FZD3: variants seen among roughly 807,000 people sequenced by gnomAD.
FZD3 encodes frizzled class receptor 3, also known as frizzled-3.
FZD3 carries 30 observed loss-of-function variants against 60.7 expected under a neutral mutation model. That is an observed-to-expected ratio of 0.49 (90% CI 0.37 to 0.67). FZD3 has a LOEUF of 0.67. Ranked by LOEUF, FZD3 falls within the 30% of genes least tolerant of loss-of-function variation. FZD3 has a pLI of 0.00. For missense variants in FZD3, 605 were observed against 838.7 expected (o/e 0.72, Z 3.44); for synonymous variants, 246 against 275.2 (o/e 0.89, Z 1.05).
intron 5 of FZD3, among the ~76,000 whole-genome samples, chr8:28,534,543 A>T (rs955922539): frequency 3.9e-5 from 6 of 152,068 alleles, no homozygotes; most frequent in Non-Finnish European, 8.8e-5. Flanking sequence ...ACAGAGCGAG[A>T]CCCTATCTCA....
chr8:28,550,054 T>C lies in FZD3; in HGVS notation c.1405-1549T>C, dbSNP rs143063875. On this transcript the variant is annotated intron_variant, in intron 5 of 7. Transcript: ENST00000240093. ...TTTATATAAATAATTTTAATCGTTT[T>C]CTTTGTCTGTGTTTTCAGACAATTT... Among the ~76,000 whole-genome samples, 79 of 152,282 alleles carry C rather than the reference T, an allele frequency of 5.2e-4. No homozygotes were observed. The East Asian group carries it at 0.013, about 26-fold the overall frequency.
intron 3 of FZD3, among the ~76,000 whole-genome samples, chr8:28,507,908 T>C (rs1804183292): frequency 6.6e-6 from 1 of 152,184 alleles, no homozygotes; most frequent in African/African-American, 2.4e-5. Flanking sequence ...TGTTTTGTTT[T>C]TGACACAAGG....
intron 3 of FZD3, among the ~76,000 whole-genome samples, chr8:28,508,060 A>G (rs73557286): frequency 0.012 from 1,822 of 151,728 alleles, 33 homozygotes; most frequent in African/African-American, 0.042. Flanking sequence ...GGCTAATTTT[A>G]AAGAACTTTT....
intron 3 of FZD3, among the ~76,000 whole-genome samples, chr8:28,510,903 G>A (rs1216741465): frequency 6.6e-6 from 1 of 151,612 alleles, no homozygotes; most frequent in Non-Finnish European, 1.5e-5. Flanking sequence ...CGGGCGTGGT[G>A]GTGGGCACAT....
At position 28,502,979 on chromosome 8, in the gene FZD3, C is replaced by A. The variant is rs767992054; in HGVS notation, c.-35C>A. 6 of 1,455,886 alleles carry A rather than the reference C, an allele frequency of 4.1e-6. No homozygotes were observed. In the South Asian group the frequency reaches 5.8e-5, roughly 14 times the overall value. 90.2% of individuals were successfully genotyped at this position (1,455,886 alleles called of 1,614,324 possible). A position where few individuals can be genotyped will look rare whatever the true frequency, so the allele number is the denominator to read the frequency against. ...ATATCTAAAATACATATTGAATAGGCCTGATCATCTGAATCTCCTTCAGAC... is the reference window on the plus strand; with the variant it reads ...ATATCTAAAATACATATTGAATAGGACTGATCATCTGAATCTCCTTCAGAC... On this transcript the variant is annotated 5_prime_UTR_variant, in exon 3 of 8. Coordinates refer to ENST00000240093, the MANE Select transcript of FZD3 (RefSeq NM_017412.4).
intron 5 of FZD3, among the ~76,000 whole-genome samples, chr8:28,534,221 C>T (rs1395112238): frequency 3.9e-5 from 6 of 152,212 alleles, no homozygotes; most frequent in Admixed American, 2.0e-4. Context: ...GTTTTATAGA[C>T]GCACACACAC....
intron 3 of FZD3, among the ~76,000 whole-genome samples, chr8:28,511,199 A>G (rs1035136024): frequency 5.3e-5 from 8 of 152,038 alleles, no homozygotes; most frequent in East Asian, 3.9e-4. Flanking sequence ...TAAAAATACA[A>G]AAGTTGGCCG....
chr8:28,500,766 CT>C (rs917268943), intron 2 of FZD3, among the ~76,000 whole-genome samples: 11 of 149,316 alleles, frequency 7.4e-5, no homozygotes, highest in East Asian at 2.0e-4. Flanking sequence ...TACCAGTTTT[CT>C]TTTTTTTTTC....
intron 1 of FZD3, among the ~76,000 whole-genome samples, chr8:28,495,520 G>A (rs1803822204): frequency 6.6e-6 from 1 of 152,156 alleles, no homozygotes; most frequent in Admixed American, 6.5e-5. Context: ...GACTACCCCT[G>A]GGGATGTTAC....
rs773651025 is a variant in FZD3, at chr8:28,520,751, G to C, written c.303G>C (p.Arg101Ser). 1.9e-6 allele frequency: 3 copies of C among 1,612,760 alleles called. No homozygotes were observed. In the East Asian group the frequency reaches 6.7e-5, roughly 36 times the overall value. ...GACGTGTCACACTTCCCTGTCGTAG[G>C]CTGTGTCAGCGGGCTTACAGTGAGT... Reference protein sequence around the residue: ...EYGRVTLPCRRLCQRAYSECS... With the variant: ...EYGRVTLPCRSLCQRAYSECS... Residue 101 changes from arginine to serine, a missense_variant, in exon 4 of 8, where the codon AGG (arginine) becomes AGC (serine). Transcript: ENST00000240093.
intron 5 of FZD3, among the ~76,000 whole-genome samples, chr8:28,534,629 A>T (rs1217022021): frequency 6.6e-6 from 1 of 152,170 alleles, no homozygotes; most frequent in African/African-American, 2.4e-5. Flanking sequence ...TCTTCCCCAC[A>T]TCCCCTGTCA....
chr8:28,567,912 T>G lies in FZD3; in HGVS notation c.*4901T>G, dbSNP rs1805733194. ...CTTAAATTATAAAAAAAAATATATATGAAGAAGAATGTAGACCCTATAATG... is the reference window on the plus strand; with the variant it reads ...CTTAAATTATAAAAAAAAATATATAGGAAGAAGAATGTAGACCCTATAATG... On this transcript the variant is annotated 3_prime_UTR_variant, in exon 8 of 8. Transcript: ENST00000240093. 1 of 152,158 alleles carries G rather than the reference T, an allele frequency of 6.6e-6. No individual in the cohort carries two copies. The highest frequency in any genetic ancestry group is 1.5e-5 in the Non-Finnish European group (1 of 68,010). The allele number at this position is 152,158 out of a possible 1,614,324, so 9.4% of individuals were successfully genotyped here. A position where few individuals can be genotyped will look rare whatever the true frequency, so the allele number is the denominator to read the frequency against.
intron 5 of FZD3, among the ~76,000 whole-genome samples, chr8:28,539,196 G>A (rs570521453): frequency 1.3e-5 from 2 of 152,148 alleles, no homozygotes; most frequent in African/African-American, 4.8e-5. Context: ...ACTTCCCATC[G>A]CTTGCATTAC....
At chr8:28,548,550 A>G (rs1478402288) in intron 5 of FZD3, among the ~76,000 whole-genome samples, 1 of 152,248 alleles carries the variant, frequency 6.6e-6, no homozygotes, top group East Asian at 1.9e-4. Context: ...CCTGTCCAGA[A>G]TCCATTTATT....
chr8:28,494,898 C>T (rs1289455751), intron 1 of FZD3, among the ~76,000 whole-genome samples: 1 of 152,174 alleles, frequency 6.6e-6, no homozygotes, highest in Non-Finnish European at 1.5e-5. Context: ...TTCGGGCCCA[C>T]CTTTGCCTGC....
At chr8:28,554,905 T>C (rs13275556) in intron 6 of FZD3, among the ~76,000 whole-genome samples, 80,740 of 151,890 alleles carry the variant, frequency 0.53, 21,991 homozygotes, top group South Asian at 0.63. Context: ...ATTTTAACTT[T>C]ATGAGTTTTC....
intron 3 of FZD3, among the ~76,000 whole-genome samples, chr8:28,519,695 A>T (rs1804522022): frequency 6.7e-6 from 1 of 149,340 alleles, no homozygotes; most frequent in Admixed American, 6.8e-5. Flanking sequence ...CTGTCACTGC[A>T]CTCTGGCCTG....
chr8:28,500,632 C>G (rs556703658), intron 2 of FZD3, among the ~76,000 whole-genome samples: 8 of 152,252 alleles, frequency 5.3e-5, no homozygotes, highest in African/African-American at 1.4e-4. Context: ...ACTGAACTTA[C>G]ATGGATGTTT....
chr8:28,504,900 A>ATTT (rs1392605670), intron 3 of FZD3, among the ~76,000 whole-genome samples: 6 of 152,198 alleles, frequency 3.9e-5, no homozygotes, highest in African/African-American at 1.4e-4. Context: ...TAGTCTAGAT[A>ATTT]TTTCAGTGAC....
Sources: gnomAD v4.1 joint callset for allele counts (sites outside exome capture counted in the v4.1 genomes callset) on GRCh38, gnomAD v4.1.1 for gene constraint, MANE v1.5 for transcripts, NCBI Gene and HGNC (gene_info 2026-07-23, HGNC 2026-07-21) for gene names.